Variants in ARB2A observed in about 807,000 individuals in gnomAD.
The protein encoded by ARB2A is ARB2 cotranscriptional regulator A, also known as cotranscriptional regulator ARB2A.
At chr5:93,722,875 A>G in the ARB2A span, among the ~76,000 whole-genome samples, 1 of 152,176 alleles carries the variant, frequency 6.6e-6, no homozygotes, top group Non-Finnish European at 1.5e-5. Flanking sequence ...TCAGTTACAC[A>G]ACATCTGATT....
the ARB2A span, among the ~76,000 whole-genome samples, chr5:94,026,011 C>A: frequency 6.6e-6 from 1 of 152,168 alleles, no homozygotes; most frequent in African/African-American, 2.4e-5. Context: ...CCATGTGGGG[C>A]CTGCAGCTAG....
At chr5:93,899,223 T>C in the ARB2A span, among the ~76,000 whole-genome samples, 1 of 152,194 alleles carries the variant, frequency 6.6e-6, no homozygotes, top group East Asian at 1.9e-4. Flanking sequence ...AAGGTGAAAT[T>C]AGAAACATTT....
At chr5:93,674,353 A>G in the ARB2A span, among the ~76,000 whole-genome samples, 1 of 152,222 alleles carries the variant, frequency 6.6e-6, no homozygotes, top group Non-Finnish European at 1.5e-5. Context: ...ATCTGACAGC[A>G]TCAGCTGACA....
chr5:94,091,943 G>A, the ARB2A span, among the ~76,000 whole-genome samples: 2 of 152,144 alleles, frequency 1.3e-5, no homozygotes, highest in Admixed American at 1.3e-4. Context: ...GTAGACTCGG[G>A]TCAAAAATAC....
the ARB2A span, among the ~76,000 whole-genome samples, chr5:93,808,176 C>T: frequency 1.3e-3 from 192 of 152,024 alleles, no homozygotes; most frequent in African/African-American, 4.4e-3. Flanking sequence ...ATACTGCCCG[C>T]GAATTCTTAA....
At chr5:93,974,556 C>T in the ARB2A span, among the ~76,000 whole-genome samples, 2 of 151,960 alleles carry the variant, frequency 1.3e-5, no homozygotes, top group African/African-American at 4.8e-5. Flanking sequence ...AGAAAACAAA[C>T]AAACAAAAAT....
chr5:93,950,993 A>G, the ARB2A span, among the ~76,000 whole-genome samples: 2 of 151,622 alleles, frequency 1.3e-5, no homozygotes, highest in Admixed American at 6.6e-5. Context: ...TCCTAATAGT[A>G]TATAAATAAA....
At chr5:93,864,014 T>C in the ARB2A span, among the ~76,000 whole-genome samples, 1 of 152,170 alleles carries the variant, frequency 6.6e-6, no homozygotes, top group Non-Finnish European at 1.5e-5. Flanking sequence ...AACTAATATT[T>C]GGTGTACCCA....
the ARB2A span, among the ~76,000 whole-genome samples, chr5:93,876,749 T>A: frequency 7.2e-5 from 11 of 151,988 alleles, no homozygotes; most frequent in Non-Finnish European, 1.6e-4. Context: ...TAAATTGAAC[T>A]TGGTTGCTAA....
At chr5:93,687,972 AT>A in the ARB2A span, among the ~76,000 whole-genome samples, 7 of 144,624 alleles carry the variant, frequency 4.8e-5, no homozygotes, top group Admixed American at 2.7e-4. Context: ...TTTCTTTTCT[AT>A]TCTTTTTTTT....
chr5:93,623,198 A>G, the ARB2A span, among the ~76,000 whole-genome samples: 3 of 152,052 alleles, frequency 2.0e-5, no homozygotes, highest in Admixed American at 6.6e-5. Context: ...ATTCATTTTG[A>G]AAGACCATTC....
At chr5:93,627,777 G>C in the ARB2A span, among the ~76,000 whole-genome samples, 1 of 152,064 alleles carries the variant, frequency 6.6e-6, no homozygotes, top group Non-Finnish European at 1.5e-5. Flanking sequence ...CTTGAAAGTT[G>C]AAACTACTCC....
chr5:93,896,444 A>G, the ARB2A span, among the ~76,000 whole-genome samples: 41 of 152,118 alleles, frequency 2.7e-4, 1 homozygote, highest in African/African-American at 9.7e-4. Flanking sequence ...GGCCATGTGT[A>G]TAAGGTGTAT....
At chr5:94,080,804 A>G in the ARB2A span, among the ~76,000 whole-genome samples, 21 of 152,140 alleles carry the variant, frequency 1.4e-4, no homozygotes, top group African/African-American at 5.1e-4. Flanking sequence ...CCTCTGACCA[A>G]TCCTGTTCTC....
At chr5:94,108,987 A>G in the ARB2A span, among the ~76,000 whole-genome samples, 1 of 152,262 alleles carries the variant, frequency 6.6e-6, no homozygotes, top group Non-Finnish European at 1.5e-5. Context: ...TGTTCATAGC[A>G]GCATTATTCA....
chr5:93,962,766 A>C, the ARB2A span, among the ~76,000 whole-genome samples: 1 of 152,128 alleles, frequency 6.6e-6, no homozygotes, highest in Non-Finnish European at 1.5e-5. Flanking sequence ...TTAAGTTTAC[A>C]AAATAAGGGA....
the ARB2A span, among the ~76,000 whole-genome samples, chr5:93,664,803 G>A: frequency 1.3e-5 from 2 of 151,882 alleles, no homozygotes; most frequent in South Asian, 4.1e-4. Context: ...TGAAGTCATC[G>A]TATCATTTTG....
chr5:93,685,850 G>A, the ARB2A span, among the ~76,000 whole-genome samples: 1 of 152,160 alleles, frequency 6.6e-6, no homozygotes, highest in African/African-American at 2.4e-5. Context: ...AACCCTTCTG[G>A]GGTTCTAGAA....
the ARB2A span, among the ~76,000 whole-genome samples, chr5:93,939,802 T>C: frequency 6.6e-6 from 1 of 152,136 alleles, no homozygotes; most frequent in Admixed American, 6.5e-5. Context: ...GAATTTAAGT[T>C]ATAGCACATA....
Sources: gnomAD v4.1 joint callset for allele counts (sites outside exome capture counted in the v4.1 genomes callset) on GRCh38, gnomAD v4.1.1 for gene constraint, MANE v1.5 for transcripts, NCBI Gene and HGNC (gene_info 2026-07-23, HGNC 2026-07-21) for gene names.